Variants in RASGRP4 observed in about 807,000 individuals in gnomAD.
RASGRP4 encodes RAS guanyl releasing protein 4.
In RASGRP4, 52 loss-of-function variants were observed where a neutral mutation model predicts 84.4. The ratio of observed to expected loss-of-function variants is 0.62; its 90% CI spans 0.49 to 0.78. The LOEUF (loss-of-function observed/expected upper bound fraction) is 0.78, where lower values mean the gene tolerates loss of function less well. Among genes scored for constraint, RASGRP4 ranks in the 30% least tolerant of loss-of-function variants. The probability of loss-of-function intolerance (pLI) is 0.00; values close to 1 mark genes in which losing one functional copy is unlikely to be tolerated. For synonymous variants in RASGRP4, 356 were observed against 359.1 expected, an observed-to-expected ratio of 0.99 and a Z score of 0.10; for missense variants, 760 against 886.9, an observed-to-expected ratio of 0.86 and a Z score of 1.82.
chr19:38,412,083 TTTGTTGTTGTTGTTGTTGTTGTTG>T lies in RASGRP4; in HGVS notation c.1680+565_1680+588del, dbSNP rs56791891. On this transcript the variant is annotated intron_variant, in intron 13 of 16. Coordinates refer to ENST00000615439, the MANE Select transcript of RASGRP4 (RefSeq NM_170604.3). This position sits in a 1 kb window ranked among gnomAD's most constrained non-coding sequence, Gnocchi z 4.6. ...CTACCCGGTTTGGAGATTATCCAGG[TTTGTTGTTGTTGTTGTTGTTGTTG>T]TTGTTGTTGTTGTTGTTGTTGTTGT... Among the ~76,000 whole-genome samples, 12,365 of 128,738 alleles carry T rather than the reference TTTGTTGTTGTTGTTGTTGTTGTTG, an allele frequency of 0.096. 596 individuals are homozygous for T. Among genetic ancestry groups the T allele is most frequent in the African/African-American group, 0.16 (4,648 of 28,906 alleles). The allele number at this position is 128,738 out of a possible 152,430, so 84.5% of individuals were successfully genotyped here. A position where few individuals can be genotyped will look rare whatever the true frequency, so the allele number is the denominator to read the frequency against.
intron 2 of RASGRP4, among the ~76,000 whole-genome samples, 154 bp from the exon 3 acceptor site, chr19:38,421,354 G>C (rs1971741793): frequency 6.6e-6 from 1 of 152,208 alleles, no homozygotes; most frequent in Admixed American, 6.5e-5. Flanking sequence ...CTGTGCCTCA[G>C]TTTCCTTATC....
chr19:38,419,101 G>A lies in RASGRP4; in HGVS notation c.664-537C>T, dbSNP rs529343760. Among the ~76,000 whole-genome samples the A allele has an allele frequency of 6.6e-5, 10 of 152,168 alleles. No individual in the cohort carries two copies. The South Asian group carries it at 1.7e-3, about 25-fold the overall frequency. On this transcript the variant is annotated intron_variant, in intron 6 of 16. Transcript: ENST00000615439. ...ACACACACAACACACACATACAATC[G>A]GGACAGTTTCACATGAAGGAAACAG...
chr19:38,426,101 G>T lies in RASGRP4; in HGVS notation c.-10C>A, dbSNP rs377245170. The T allele has an allele frequency of 1.5e-6, 2 of 1,329,968 alleles. No individual in the cohort carries two copies. The highest frequency in any genetic ancestry group is 3.0e-5 in the African/African-American group (2 of 66,380). 82.4% of individuals were successfully genotyped at this position (1,329,968 alleles called of 1,614,324 possible). On this transcript the variant is annotated 5_prime_UTR_variant, in exon 1 of 17. Coordinates refer to ENST00000615439, the MANE Select transcript of RASGRP4 (RefSeq NM_170604.3). ...TGTCTTTTCTGTTCATGCTTCCCGCGTGGGGTGAGGAGGCCGGGGGTCTTG... is the reference window on the plus strand; with the variant it reads ...TGTCTTTTCTGTTCATGCTTCCCGCTTGGGGTGAGGAGGCCGGGGGTCTTG...
chr19:38,411,248 C>T lies in RASGRP4; in HGVS notation c.1719G>A (p.Glu573=), dbSNP rs760084857. 3.1e-6 allele frequency: 5 copies of T among 1,613,866 alleles called. No homozygotes were observed. Among genetic ancestry groups the T allele is most frequent in the East Asian group, 2.2e-5 (1 of 44,898 alleles). Reference sequence around the variant, plus strand: ...AGTGTTTGTGGCAACACAGCCCGCACTCTGGGGGAAGGCAGCGGCAGGGGT... The same window carrying T: ...AGTGTTTGTGGCAACACAGCCCGCATTCTGGGGGAAGGCAGCGGCAGGGGT... The part of the protein sequence containing the change: ...GVTKQGYRCR[E]CGLCCHKHCR... The change falls in exon 15 of 17, where the codon GAG becomes GAA. Residue 573 remains glutamate (E), a splice_region_variant and synonymous_variant. Coordinates refer to ENST00000615439, the MANE Select transcript of RASGRP4 (RefSeq NM_170604.3).
rs1971597579 is a variant in RASGRP4, at chr19:38,418,432, G to C, written c.796C>G (p.Gln266Glu). 2 of 1,605,404 alleles carry C rather than the reference G, an allele frequency of 1.2e-6. No individual in the cohort carries two copies. Among genetic ancestry groups the C allele is most frequent in the Non-Finnish European group, 1.7e-6 (2 of 1,176,524 alleles). The stretch of plus-strand genomic sequence containing the variant: ...AACTTGTCCAGCACCTGTGCACGCT[G>C]TAGGGGCCCGGGACGGCTCAGCACC... ...VMVLSRPGPL[Q>E]RAQVLDKFIH... The change falls in exon 7 of 17, where the codon CAG (glutamine) becomes GAG (glutamate). Residue 266 changes from glutamine to glutamate, a missense_variant. Coordinates refer to ENST00000615439, the MANE Select transcript of RASGRP4 (RefSeq NM_170604.3). This position sits in a 1 kb window ranked among gnomAD's most constrained non-coding sequence, Gnocchi z 4.6.
rs776193428 is a variant in RASGRP4 at position 38,418,571 on chromosome 19, G to GCGAGGTGGGTGT, written c.664-19_664-8dup. On this transcript the variant is annotated splice_polypyrimidine_tract_variant and splice_region_variant and intron_variant, in intron 6 of 16. Coordinates refer to ENST00000615439, the MANE Select transcript of RASGRP4 (RefSeq NM_170604.3). The surrounding 1 kb of genome is among the most constrained non-coding windows in gnomAD (Gnocchi z 4.6). ...AGCTCCGCAGGTCCTGGGGCTGGGA[G>GCGAGGTGGGTGT]CGAGGTGGGTGTCAAGGTGGGCCGT... The GCGAGGTGGGTGT allele has an allele frequency of 4.0e-6, 6 of 1,506,600 alleles. No homozygotes were observed. In the African/African-American group the frequency reaches 4.2e-5, roughly 10 times the overall value. 93.3% of individuals were successfully genotyped at this position (1,506,600 alleles called of 1,614,324 possible).
chr19:38,422,006 G>A lies in RASGRP4; in HGVS notation c.171C>T (p.Ser57=), dbSNP rs199657503. ...TGCATTTCTCCAGCAGCTCATCTTC[G>A]CTGCAGCCGCCCTCACTCAGCAGGC... The part of the protein sequence containing the change: ...NLGLLSEGGC[S]EDELLEKCIQ... The change falls in exon 2 of 17, where the codon AGC becomes AGT. Residue 57 remains serine (S), a synonymous_variant. Coordinates refer to ENST00000615439, the MANE Select transcript of RASGRP4 (RefSeq NM_170604.3). 30 of 1,612,868 alleles carry A rather than the reference G, an allele frequency of 1.9e-5. No individual in the cohort carries two copies. The Admixed American group carries it at 2.3e-4, about 13-fold the overall frequency.
Position 38,417,519 on chromosome 19 carries a change from G to T in RASGRP4, c.838-351C>A, listed in dbSNP as rs1455313175. Among the ~76,000 whole-genome samples the T allele has an allele frequency of 6.6e-6, 1 of 152,142 alleles. No individual in the cohort carries two copies. Among genetic ancestry groups the T allele is most frequent in the African/African-American group, 2.4e-5 (1 of 41,424 alleles). ...ACATGTCAGGGTGTCAGCCATCTGG[G>T]GGTCTGACTGCTCTGAGAGTCACAC... On this transcript the variant is annotated intron_variant, in intron 7 of 16. Coordinates refer to ENST00000615439, the MANE Select transcript of RASGRP4 (RefSeq NM_170604.3). This position sits in a 1 kb window ranked among gnomAD's most constrained non-coding sequence, Gnocchi z 5.1.
chr19:38,423,930 G>A (rs993000947), intron 1 of RASGRP4, among the ~76,000 whole-genome samples: 1 of 152,054 alleles, frequency 6.6e-6, no homozygotes, highest in African/African-American at 2.4e-5. Flanking sequence ...AGGGGAAGAG[G>A]GTAATGGAGA....
Position 38,421,844 on chromosome 19 carries a change from T to C in RASGRP4, c.208+125A>G, listed in dbSNP as rs967974424. The C allele has an allele frequency of 2.4e-5, 16 of 671,358 alleles. No homozygotes were observed. In the Admixed American group the frequency reaches 3.8e-4, roughly 16 times the overall value. The allele number at this position is 671,358 out of a possible 1,614,324, so 41.6% of individuals were successfully genotyped here. A position where few individuals can be genotyped will look rare whatever the true frequency, so the allele number is the denominator to read the frequency against. On this transcript the variant is annotated intron_variant, in intron 2 of 16. Coordinates refer to ENST00000615439, the MANE Select transcript of RASGRP4 (RefSeq NM_170604.3). ...ATGCAGGTGTTTCTGTTATCTCTAA[T>C]GTAGTGATTGAGTTTCATTCCACCC...
chr19:38,411,093 A>T (rs1568406310), intron 15 of RASGRP4, 22 bp downstream of exon 15: 1 of 1,610,494 alleles, frequency 6.2e-7, no homozygotes, highest in South Asian at 1.1e-5. Context: ...CCTTCCCAGC[A>T]CCGGTGTGCT....
At chr19:38,421,574 T>C (rs1295913118) in intron 2 of RASGRP4, among the ~76,000 whole-genome samples, 1 of 151,948 alleles carries the variant, frequency 6.6e-6, no homozygotes, top group Admixed American at 6.6e-5. Flanking sequence ...TAGCTGGGCC[T>C]GGTGGCATGT....
At position 38,417,950 on chromosome 19, in the gene RASGRP4, G is replaced by A. The variant is rs1355289968; in HGVS notation, c.837+441C>T. ...GAAGGTGTCCGGAAAGGAGGGGGAA[G>A]GGAGGGGAAGAGAAGGGCGTAACAC... is the stretch of plus-strand genomic sequence containing the variant. On this transcript the variant is annotated intron_variant, in intron 7 of 16. Coordinates refer to ENST00000615439, the MANE Select transcript of RASGRP4 (RefSeq NM_170604.3). This position sits in a 1 kb window ranked among gnomAD's most constrained non-coding sequence, Gnocchi z 5.1. Among the ~76,000 whole-genome samples, 1 of 152,060 alleles carries A rather than the reference G, an allele frequency of 6.6e-6. No homozygotes were observed. Among genetic ancestry groups the A allele is most frequent in the African/African-American group, 2.4e-5 (1 of 41,406 alleles).
intron 8 of RASGRP4, among the ~76,000 whole-genome samples, 188 bp downstream of exon 8, chr19:38,416,864 G>A (rs1600561666): frequency 6.6e-6 from 1 of 152,306 alleles, no homozygotes; most frequent in East Asian, 1.9e-4. Context: ...AGAGGGATCA[G>A]CACCATGAGT....
intron 6 of RASGRP4, among the ~76,000 whole-genome samples, chr19:38,419,471 C>T (rs1475301251): frequency 6.6e-6 from 1 of 152,146 alleles, no homozygotes; most frequent in Non-Finnish European, 1.5e-5. Context: ...CTCGCTCTGT[C>T]GCCCAGGCTG....
intron 13 of RASGRP4, among the ~76,000 whole-genome samples, chr19:38,411,952 T>C (rs1318867492): frequency 3.9e-5 from 6 of 152,206 alleles, no homozygotes; most frequent in African/African-American, 7.2e-5. Context: ...GGTTGAGAGA[T>C]TGATCCACTA....
At position 38,415,121 on chromosome 19, in the gene RASGRP4, G is replaced by T; in HGVS notation, c.957C>A (p.Ala319=). Residue 319 remains alanine, a splice_region_variant and synonymous_variant, in exon 9 of 17, where the codon GCC becomes GCA. Coordinates refer to ENST00000615439, the MANE Select transcript of RASGRP4 (RefSeq NM_170604.3). ...HAHLSPDSTK[A]LLELTELLAS... The stretch of plus-strand genomic sequence containing the variant: ...CAAGGAGCTCAGTGAGCTCCAGGAG[G>T]GCCTGGGGAGGAGGGACATGGGATT... 1 of 1,587,896 alleles carries T rather than the reference G, an allele frequency of 6.3e-7. No individual in the cohort carries two copies. Among genetic ancestry groups the T allele is most frequent in the South Asian group, 1.1e-5 (1 of 88,224 alleles).
chr19:38,421,176 T>G lies in RASGRP4; in HGVS notation c.233A>C (p.Glu78Ala). The part of the protein sequence containing the change: ...SFDSAGSLCH[E>A]DHMLNMVLAM... ...CAGCACCATGTTGAGCATGTGGTCCTCGTGGCACAGGCTGCCAGCTGAATC... is the reference window on the plus strand; with the variant it reads ...CAGCACCATGTTGAGCATGTGGTCCGCGTGGCACAGGCTGCCAGCTGAATC... The change falls in exon 3 of 17, where the codon GAG becomes GCG. Residue 78 changes from glutamate to alanine, a missense_variant. Glu to Ala is a moderately radical substitution (Grantham distance 107). Coordinates refer to ENST00000615439, the MANE Select transcript of RASGRP4 (RefSeq NM_170604.3). 6.2e-7 allele frequency: 1 copy of G among 1,613,726 alleles called. No homozygotes were observed. Among genetic ancestry groups the G allele is most frequent in the Non-Finnish European group, 8.5e-7 (1 of 1,179,732 alleles).
chr19:38,416,029 A>G (rs2145212002), intron 8 of RASGRP4, among the ~76,000 whole-genome samples: 1 of 151,654 alleles, frequency 6.6e-6, no homozygotes, highest in South Asian at 2.1e-4. Flanking sequence ...ACTGTACTCC[A>G]GCCTGGGAGA....
Sources: gnomAD v4.1 joint callset for allele counts (sites outside exome capture counted in the v4.1 genomes callset) on GRCh38, gnomAD v4.1.1 for gene constraint, Gnocchi (gnomAD v3.1) non-coding constraint, MANE v1.5 for transcripts, NCBI Gene and HGNC (gene_info 2026-07-23, HGNC 2026-07-21) for gene names.